The following PDE4D variants were observed in gnomAD, a reference collection of about 807,000 sequenced individuals.
PDE4D encodes phosphodiesterase 4D.
A neutral mutation model predicts 87.4 loss-of-function variants in PDE4D; 24 were observed. The observed-to-expected ratio is 0.27, with a 90% CI of 0.20 to 0.39. PDE4D has a LOEUF of 0.39. Among genes scored for constraint, PDE4D ranks in the 10% least tolerant of loss-of-function variants. The pLI, the probability that PDE4D is intolerant of heterozygous loss-of-function variation, is 1.00. For missense variants in PDE4D, 714 were observed against 1,041.0 expected (o/e 0.69, Z 4.32); for synonymous variants, 384 against 383.2 (o/e 1.00, Z -0.02).
At chr5:60,463,171 C>T (rs1203957651) in intron 1 of PDE4D, among the ~76,000 whole-genome samples, 2 of 152,142 alleles carry the variant, frequency 1.3e-5, no homozygotes, top group African/African-American at 4.8e-5. Context: ...GGAGCCCAGC[C>T]TGCACTGAGC....
chr5:60,459,743 A>T, intron 1 of PDE4D: 11 of 394,818 alleles, frequency 2.8e-5, no homozygotes, highest in Admixed American at 8.0e-5. Context: ...AGAGACCTCA[A>T]CAACAGGGCA....
At chr5:60,051,863 C>A (rs946845018) in intron 2 of PDE4D, among the ~76,000 whole-genome samples, 4 of 152,002 alleles carry the variant, frequency 2.6e-5, no homozygotes, top group African/African-American at 4.8e-5. Flanking sequence ...GGGGATATCA[C>A]CACTGATCCC....
chr5:59,811,347 T>C (rs1371030902), intron 1 of PDE4D, among the ~76,000 whole-genome samples: 1 of 152,234 alleles, frequency 6.6e-6, no homozygotes, highest in Admixed American at 6.5e-5. Flanking sequence ...GTTCAATTGA[T>C]TTCGGAAAGA....
intron 2 of PDE4D, among the ~76,000 whole-genome samples, chr5:60,045,625 C>T (rs201373982): frequency 7.2e-5 from 11 of 152,078 alleles, no homozygotes; most frequent in African/African-American, 1.4e-4. Context: ...AGGGAATCCT[C>T]TCCCCATTGC....
At chr5:59,528,817 C>T in intron 1 of PDE4D, 1 of 271,046 alleles carries the variant, frequency 3.7e-6, no homozygotes, top group Non-Finnish European at 7.4e-6. Flanking sequence ...ACAAAAGTGT[C>T]ACATGAAAAT....
chr5:59,157,350 T>C, intron 5 of PDE4D: 1 of 702,598 alleles, frequency 1.4e-6, no homozygotes, highest in Non-Finnish European at 2.6e-6. Flanking sequence ...TGGGTTCAAT[T>C]CCATCCAGGA....
At chr5:60,243,166 G>T (rs1747325878) in intron 1 of PDE4D, among the ~76,000 whole-genome samples, 1 of 151,850 alleles carries the variant, frequency 6.6e-6, no homozygotes, top group Non-Finnish European at 1.5e-5. Context: ...GAAATTCAAA[G>T]GATCGTTAGT....
chr5:59,479,636 GATC>G (rs1248201763), intron 1 of PDE4D, among the ~76,000 whole-genome samples: 1 of 151,548 alleles, frequency 6.6e-6, no homozygotes, highest in Admixed American at 6.6e-5. Context: ...ATGTATCAGA[GATC>G]ATCACATGTA....
chr5:60,518,390 AT>A (rs1024745094), intron 1 of PDE4D, among the ~76,000 whole-genome samples: 23 of 152,266 alleles, frequency 1.5e-4, no homozygotes, highest in African/African-American at 5.5e-4. Context: ...ATCCTGTGAC[AT>A]TTTCCCCATT....
chr5:59,849,227 T>C (rs1744319818), intron 1 of PDE4D, among the ~76,000 whole-genome samples: 1 of 151,956 alleles, frequency 6.6e-6, no homozygotes, highest in Non-Finnish European at 1.5e-5. Context: ...CTAAAAAAAA[T>C]TATAGAATGC....
chr5:59,670,468 C>T (rs1370922169), intron 1 of PDE4D, among the ~76,000 whole-genome samples: 5 of 152,086 alleles, frequency 3.3e-5, no homozygotes, highest in African/African-American at 7.2e-5. Flanking sequence ...CTTTGTTTCA[C>T]GTACGAAAGC....
chr5:60,472,225 C>T (rs1747867148), intron 1 of PDE4D, among the ~76,000 whole-genome samples: 1 of 152,152 alleles, frequency 6.6e-6, no homozygotes, highest in Admixed American at 6.5e-5. Flanking sequence ...CTAATCTTCA[C>T]AATGATCCTG....
chr5:59,669,930 G>T (rs754591075), intron 1 of PDE4D, among the ~76,000 whole-genome samples: 2 of 152,008 alleles, frequency 1.3e-5, no homozygotes, highest in East Asian at 3.9e-4. Flanking sequence ...CCCCTTAATT[G>T]TATAGTTATG....
intron 1 of PDE4D, among the ~76,000 whole-genome samples, chr5:60,457,052 G>C (rs1746525143): frequency 6.6e-6 from 1 of 152,168 alleles, no homozygotes; most frequent in Non-Finnish European, 1.5e-5. Flanking sequence ...TGAGGTCAGA[G>C]CAGTGGAGGC....
At chr5:59,966,703 C>A (rs1221795204) in intron 3 of PDE4D, among the ~76,000 whole-genome samples, 1 of 152,152 alleles carries the variant, frequency 6.6e-6, no homozygotes, top group Non-Finnish European at 1.5e-5. Context: ...TCTAATATAG[C>A]ATTGTACAAA....
At chr5:59,256,791 A>G (rs375311205) in intron 1 of PDE4D, among the ~76,000 whole-genome samples, 9 of 152,224 alleles carry the variant, frequency 5.9e-5, no homozygotes, top group African/African-American at 2.2e-4. Flanking sequence ...GTTATTCATT[A>G]TGGTCAAAGA....
At chr5:59,755,219 T>C (rs1262186794) in intron 1 of PDE4D, among the ~76,000 whole-genome samples, 2 of 152,306 alleles carry the variant, frequency 1.3e-5, no homozygotes, top group East Asian at 3.9e-4. Context: ...CTAAATGCCA[T>C]TTTAAACAGA....
At chr5:60,204,732 A>T (rs1742305853) in intron 1 of PDE4D, among the ~76,000 whole-genome samples, 1 of 152,172 alleles carries the variant, frequency 6.6e-6, no homozygotes, top group Admixed American at 6.5e-5. Context: ...ACCTTTTAGT[A>T]CTTGAAGGTG....
intron 5 of PDE4D, among the ~76,000 whole-genome samples, chr5:59,124,373 G>T (rs917508852): frequency 3.9e-5 from 6 of 152,186 alleles, no homozygotes; most frequent in African/African-American, 1.2e-4. Context: ...ATTTATACTC[G>T]AGTAGACCAT....
Sources: gnomAD v4.1 joint callset for allele counts (sites outside exome capture counted in the v4.1 genomes callset) on GRCh38, gnomAD v4.1.1 for gene constraint, MANE v1.5 for transcripts, NCBI Gene and HGNC (gene_info 2026-07-23, HGNC 2026-07-21) for gene names.